ZFPM2: variants seen among roughly 807,000 people sequenced by gnomAD.
ZFPM2 encodes the protein zinc finger protein, FOG family member 2, also known as zinc finger protein ZFPM2.
Under a neutral mutation model 98.6 loss-of-function variants are expected in ZFPM2, and 20 were observed. That is an observed-to-expected ratio of 0.20 (90% confidence interval 0.14 to 0.29). The LOEUF (loss-of-function observed/expected upper bound fraction) is 0.29, where lower values mean the gene tolerates loss of function less well. ZFPM2 is among the 10% of genes least tolerant of loss of function. ZFPM2 has a pLI of 1.00. For synonymous variants in ZFPM2, 518 were observed against 502.7 expected, an observed-to-expected ratio of 1.03 and a Z score of -0.41; for missense variants, 1,310 against 1,388.6, an observed-to-expected ratio of 0.94 and a Z score of 0.90.
At chr8:105,665,996 T>A (rs1817481010) in intron 5 of ZFPM2, among the ~76,000 whole-genome samples, 1 of 152,180 alleles carries the variant, frequency 6.6e-6, no homozygotes, top group South Asian at 2.1e-4. Flanking sequence ...ATTAAGGAGA[T>A]GCTTAAGTGA....
chr8:105,443,092 C>T (rs533918955), intron 2 of ZFPM2, among the ~76,000 whole-genome samples: 1 of 151,768 alleles, frequency 6.6e-6, no homozygotes, highest in Non-Finnish European at 1.5e-5. Flanking sequence ...GTGGATCACT[C>T]GAGGTCAAGA....
At chr8:105,475,446 A>G (rs1406866136) in intron 3 of ZFPM2, among the ~76,000 whole-genome samples, 1 of 152,230 alleles carries the variant, frequency 6.6e-6, no homozygotes, top group African/African-American at 2.4e-5. Context: ...CAAGTTTAAC[A>G]TAAAACCTTT....
At chr8:105,445,581 C>T (rs577557056) in intron 3 of ZFPM2, among the ~76,000 whole-genome samples, 59 of 150,846 alleles carry the variant, frequency 3.9e-4, no homozygotes, top group African/African-American at 1.4e-3. Flanking sequence ...AACTTAAAAA[C>T]AGTGAGTGAA....
intron 1 of ZFPM2, among the ~76,000 whole-genome samples, chr8:105,377,633 A>G (rs1434808450): frequency 7.3e-6 from 1 of 137,800 alleles, no homozygotes; most frequent in Non-Finnish European, 1.6e-5. Context: ...AAAAAAAAAA[A>G]GCCAGATGTA....
intron 5 of ZFPM2, among the ~76,000 whole-genome samples, chr8:105,668,020 G>C (rs1014037082): frequency 1.3e-5 from 2 of 152,132 alleles, no homozygotes; most frequent in Admixed American, 1.3e-4. Flanking sequence ...CACGTAATGA[G>C]GCCCCGGGAC....
Position 105,580,723 on chromosome 8 carries a change from G to A in ZFPM2, c.420+19242G>A, listed in dbSNP as rs150668986. 9.6e-3 allele frequency among the ~76,000 whole-genome samples: 1,455 copies of A among 151,490 alleles called. 27 individuals carry two copies. The highest frequency in any genetic ancestry group is 0.034 in the African/African-American group (1,398 of 41,262). ...GAAAAGAAACACAAACTAAGATATA[G>A]TTTGGCCCTTTTCTCCCTAGAAAAG... is the stretch of plus-strand genomic sequence containing the variant. On this transcript the variant is annotated intron_variant, in intron 4 of 7. Coordinates refer to ENST00000407775, the MANE Select transcript of ZFPM2 (RefSeq NM_012082.4).
chr8:105,757,879 TC>T (rs1279506190), intron 5 of ZFPM2, among the ~76,000 whole-genome samples: 2 of 152,132 alleles, frequency 1.3e-5, no homozygotes, highest in Admixed American at 6.6e-5. Context: ...GTACCCACTT[TC>T]CTCATTGTTC....
intron 4 of ZFPM2, among the ~76,000 whole-genome samples, chr8:105,591,881 A>G (rs1373409692): frequency 1.3e-5 from 2 of 152,162 alleles, no homozygotes; most frequent in Non-Finnish European, 2.9e-5. Context: ...ATATAATACC[A>G]GTGAGGAAAA....
chr8:105,791,408 A>G (rs1318515326), intron 6 of ZFPM2, among the ~76,000 whole-genome samples: 1 of 151,830 alleles, frequency 6.6e-6, no homozygotes, highest in Admixed American at 6.6e-5. Flanking sequence ...ATTTGCGTAT[A>G]TTGAACCAGC....
rs1810631013 is a variant in ZFPM2 at position 105,372,008 on chromosome 8, ATT to A, written c.41-47135_41-47134del. On this transcript the variant is annotated intron_variant, in intron 1 of 7. Transcript: ENST00000407775. ...ACAAAATGATAAAAATAGTGAAATT[ATT>A]ATTATTATTATTATTATTATTATTA... Among the ~76,000 whole-genome samples, 6 of 3,576 alleles carry A rather than the reference ATT, an allele frequency of 1.7e-3. No homozygotes were observed. The South Asian group carries it at 0.017, about 10-fold the overall frequency. 2.3% of individuals were successfully genotyped at this position (3,576 alleles called of 152,430 possible). A position where few individuals can be genotyped will look rare whatever the true frequency, so the allele number is the denominator to read the frequency against.
Position 105,798,797 on chromosome 8 carries a change from C to T in ZFPM2, c.813C>T (p.Tyr271=), listed in dbSNP as rs370629916. The change falls in exon 7 of 8, where the codon TAC becomes TAT. Residue 271 remains tyrosine, a synonymous_variant. Transcript: ENST00000407775. The stretch of plus-strand genomic sequence containing the variant: ...GGAATCTGCAGGCCCATTTGATGTA[C>T]TACTGCAGTGGGAGGCAAAGAGAAG... The part of the protein sequence containing the change: ...SERNLQAHLM[Y]YCSGRQREAA... 28 of 1,613,812 alleles carry T rather than the reference C, an allele frequency of 1.7e-5. No individual in the cohort carries two copies. The highest frequency in any genetic ancestry group is 2.3e-5 in the Non-Finnish European group (27 of 1,179,876).
chr8:105,698,411 G>A (rs1787953131), intron 5 of ZFPM2, among the ~76,000 whole-genome samples: 1 of 152,272 alleles, frequency 6.6e-6, no homozygotes, highest in African/African-American at 2.4e-5. Flanking sequence ...ATAACTTATA[G>A]CAAAGAAACC....
At chr8:105,417,087 T>G (rs1811693363) in intron 1 of ZFPM2, among the ~76,000 whole-genome samples, 1 of 152,152 alleles carries the variant, frequency 6.6e-6, no homozygotes, top group Admixed American at 6.6e-5. Context: ...AATTTGAAAC[T>G]GCAGCAAGCT....
At chr8:105,544,465 AT>A (rs1314465524) in intron 3 of ZFPM2, among the ~76,000 whole-genome samples, 1 of 152,134 alleles carries the variant, frequency 6.6e-6, no homozygotes, top group Non-Finnish European at 1.5e-5. Flanking sequence ...AAGTAGTCTC[AT>A]TTCAAATCTT....
rs546498935 is a variant in ZFPM2, at chr8:105,549,613, C to T, written c.302-11750C>T. ...TTCCTTCCTCTATCTCTCTCTCTCT[C>T]TCTTTTTTTTTTAATTGAGACAGGG... On this transcript the variant is annotated intron_variant, in intron 3 of 7. Coordinates refer to ENST00000407775, the MANE Select transcript of ZFPM2 (RefSeq NM_012082.4). Among the ~76,000 whole-genome samples the T allele has an allele frequency of 2.2e-5, 3 of 137,614 alleles. No homozygotes were observed. The East Asian group carries it at 6.4e-4, about 29-fold the overall frequency. 90.3% of individuals were successfully genotyped at this position (137,614 alleles called of 152,430 possible).
intron 5 of ZFPM2, among the ~76,000 whole-genome samples, chr8:105,657,361 A>G (rs1016677074): frequency 6.6e-6 from 1 of 151,530 alleles, no homozygotes; most frequent in African/African-American, 2.4e-5. Flanking sequence ...CTGATCTTGA[A>G]CTCCTGACCT....
At chr8:105,543,723 C>G (rs934611237) in intron 3 of ZFPM2, among the ~76,000 whole-genome samples, 1 of 152,178 alleles carries the variant, frequency 6.6e-6, no homozygotes, top group Non-Finnish European at 1.5e-5. Flanking sequence ...TTTCCTCCTT[C>G]TGTCCCTCCA....
intron 4 of ZFPM2, among the ~76,000 whole-genome samples, chr8:105,628,485 A>G (rs1487448220): frequency 6.6e-6 from 1 of 152,162 alleles, no homozygotes; most frequent in Admixed American, 6.5e-5. Context: ...CTGTGGCCCA[A>G]AGTGAGAACT....
chr8:105,542,874 CTAATT>C (rs1814609954), intron 3 of ZFPM2, among the ~76,000 whole-genome samples: 1 of 152,056 alleles, frequency 6.6e-6, no homozygotes, highest in South Asian at 2.1e-4. Flanking sequence ...CTATCTTATT[CTAATT>C]TTTTTCAGTT....
Sources: gnomAD v4.1 joint callset for allele counts (sites outside exome capture counted in the v4.1 genomes callset) on GRCh38, gnomAD v4.1.1 for gene constraint, MANE v1.5 for transcripts, NCBI Gene and HGNC (gene_info 2026-07-23, HGNC 2026-07-21) for gene names.